The following TRIP12 variants were observed in gnomAD, a reference collection of about 807,000 sequenced individuals.
TRIP12 encodes thyroid hormone receptor interactor 12.
Under a neutral mutation model 244.2 loss-of-function variants are expected in TRIP12, and 25 were observed. The observed-to-expected ratio is 0.10, with a 90% confidence interval of 0.07 to 0.14. The LOEUF (loss-of-function observed/expected upper bound fraction) is 0.14, where lower values mean the gene tolerates loss of function less well. Ranked by LOEUF, TRIP12 falls within the 10% of genes least tolerant of loss-of-function variation. The probability of loss-of-function intolerance (pLI) is 1.00; values close to 1 mark genes in which losing one functional copy is unlikely to be tolerated. For missense variants in TRIP12, 1,677 were observed against 2,486.4 expected, an observed-to-expected ratio of 0.67 and a Z score of 6.92; for synonymous variants, 905 against 873.1, an observed-to-expected ratio of 1.04 and a Z score of -0.64.
intron 1 of TRIP12, among the ~76,000 whole-genome samples, chr2:229,917,145 C>A (rs368023132): frequency 6.6e-6 from 1 of 152,068 alleles, no homozygotes; most frequent in Non-Finnish European, 1.5e-5. Context: ...CTTTGGGAGT[C>A]CAAGGCGGGT....
At chr2:229,907,379 C>A (rs2073124098) in intron 1 of TRIP12, among the ~76,000 whole-genome samples, 1 of 152,184 alleles carries the variant, frequency 6.6e-6, no homozygotes, top group African/African-American at 2.4e-5. Flanking sequence ...CATCTTGCTG[C>A]AGAGTCCATA....
intron 17 of TRIP12, 38 bp from the exon 18 acceptor site, chr2:229,805,921 T>G (rs1305224029): frequency 6.8e-7 from 1 of 1,473,300 alleles, no homozygotes; most frequent in Non-Finnish European, 9.2e-7. Context: ...ATATAAACAT[T>G]GAGAAATCTA....
At chr2:229,779,804 C>G (rs978606082) in intron 34 of TRIP12, among the ~76,000 whole-genome samples, 7 of 152,046 alleles carry the variant, frequency 4.6e-5, no homozygotes, top group Admixed American at 6.6e-5. Context: ...GACTGTGCAG[C>G]CTAAAGTGAA....
chr2:229,836,395 T>G (rs2054825516), intron 6 of TRIP12, among the ~76,000 whole-genome samples: 1 of 152,226 alleles, frequency 6.6e-6, no homozygotes, highest in African/African-American at 2.4e-5. Context: ...TTTGTGCTTC[T>G]AATATATCAA....
At position 229,836,940 on chromosome 2, in the gene TRIP12, C is replaced by A. The variant is rs776287365; in HGVS notation, c.1178G>T (p.Arg393Leu). ...AGGGTCTGCCATTTTCTCCTGTCGA[C>A]GAGCTTCAGCTGCTCCTCTTTTGCC... ...GLGKRGAAEARRQEKMADPES... is the reference protein window; with the variant it reads ...GLGKRGAAEALRQEKMADPES... The change falls in exon 6 of 42, where the codon CGT becomes CTT. Residue 393 changes from arginine (R) to leucine (L), a missense_variant. Physicochemically the swap from Arg to Leu is moderately radical, Grantham distance 102. Transcript: ENST00000675903. The A allele has an allele frequency of 6.3e-7, 1 of 1,595,452 alleles. No homozygotes were observed. The highest frequency in any genetic ancestry group is 8.5e-7 in the Non-Finnish European group (1 of 1,173,718).
intron 26 of TRIP12, among the ~76,000 whole-genome samples, chr2:229,794,001 T>TATG (rs2042188580): frequency 6.6e-6 from 1 of 152,184 alleles, no homozygotes; most frequent in Non-Finnish European, 1.5e-5. Flanking sequence ...GAATATTCCA[T>TATG]TTTATGAATA....
At chr2:229,861,953 G>T (rs969633010) in intron 2 of TRIP12, among the ~76,000 whole-genome samples, 6 of 152,218 alleles carry the variant, frequency 3.9e-5, no homozygotes, top group Middle Eastern at 3.4e-3. Flanking sequence ...TTTTAGTAAT[G>T]AAAGGACACA....
At chr2:229,860,571 T>C in intron 2 of TRIP12, 40 bp from the exon 3 acceptor site, 1 of 1,562,988 alleles carries the variant, frequency 6.4e-7, no homozygotes, top group Non-Finnish European at 8.7e-7. Context: ...ATCAGGAAAC[T>C]GAGATGCAAA....
chr2:229,881,029 A>G (rs1332597635), intron 1 of TRIP12, among the ~76,000 whole-genome samples: 1 of 152,150 alleles, frequency 6.6e-6, no homozygotes, highest in African/African-American at 2.4e-5. Flanking sequence ...GAGTAAATTG[A>G]GCAATGGTCT....
chr2:229,838,205 A>G (rs879292049), intron 5 of TRIP12, among the ~76,000 whole-genome samples: 2 of 152,204 alleles, frequency 1.3e-5, no homozygotes, highest in Non-Finnish European at 2.9e-5. Flanking sequence ...TTGCTTAACT[A>G]ATCTTTCCTT....
chr2:229,771,316 C>T (rs550596028), intron 39 of TRIP12, among the ~76,000 whole-genome samples: 4 of 152,302 alleles, frequency 2.6e-5, no homozygotes, highest in South Asian at 2.1e-4. Flanking sequence ...GCGTGGAACC[C>T]GCTCCCCAAT....
chr2:229,870,318 C>G (rs539548110), intron 2 of TRIP12, among the ~76,000 whole-genome samples: 10 of 152,244 alleles, frequency 6.6e-5, no homozygotes, highest in African/African-American at 2.4e-4. Context: ...AAAAGTTAAG[C>G]CTTAAGGCAC....
intron 34 of TRIP12, among the ~76,000 whole-genome samples, chr2:229,780,985 T>A (rs1392804932): frequency 6.6e-6 from 1 of 152,250 alleles, no homozygotes; most frequent in Non-Finnish European, 1.5e-5. Flanking sequence ...CCTTTTGGCA[T>A]AACATTATCC....
chr2:229,770,830 C>T (rs892790849), intron 39 of TRIP12, among the ~76,000 whole-genome samples: 9 of 152,184 alleles, frequency 5.9e-5, no homozygotes, highest in African/African-American at 2.2e-4. Context: ...GGGAGTTTCC[C>T]CGCACAAGCT....
chr2:229,800,408 G>A (rs2043971736), intron 21 of TRIP12, among the ~76,000 whole-genome samples: 1 of 152,016 alleles, frequency 6.6e-6, no homozygotes. Context: ...TGAAAAGGCT[G>A]AAAAATGTTG....
intron 1 of TRIP12, among the ~76,000 whole-genome samples, chr2:229,920,196 GTAT>G (rs1455034743): frequency 1.3e-5 from 2 of 151,824 alleles, no homozygotes; most frequent in Admixed American, 1.3e-4. Context: ...TTTCTACCCC[GTAT>G]TTTTTGTTTT....
intron 32 of TRIP12, 132 bp downstream of exon 32, chr2:229,788,666 A>T: frequency 8.1e-7 from 1 of 1,231,494 alleles, no homozygotes; most frequent in Non-Finnish European, 1.1e-6. Flanking sequence ...CCACACAATT[A>T]AGCAAGTTGT....
At chr2:229,848,258 A>G (rs2057976867) in intron 4 of TRIP12, among the ~76,000 whole-genome samples, 1 of 152,084 alleles carries the variant, frequency 6.6e-6, no homozygotes, top group Admixed American at 6.6e-5. Flanking sequence ...GAATTACCAG[A>G]ATTACCAGAA....
intron 41 of TRIP12, among the ~76,000 whole-genome samples, chr2:229,768,400 C>A (rs967919104): frequency 9.2e-5 from 14 of 152,222 alleles, no homozygotes; most frequent in African/African-American, 3.4e-4. Context: ...TTTTATCTAA[C>A]CAGCATTACA....
Sources: allele counts gnomAD v4.1 joint callset (sites outside exome capture counted in the v4.1 genomes callset), GRCh38; gene constraint gnomAD v4.1.1; transcripts MANE v1.5; gene names NCBI Gene and HGNC (gene_info 2026-07-23, HGNC 2026-07-21).